Variants in WFIKKN1 observed in about 807,000 individuals in gnomAD.
WFIKKN1 encodes WAP, Kazal, immunoglobulin, Kunitz and NTR domain-containing protein 1.
A neutral mutation model predicts 4.6 loss-of-function variants in WFIKKN1; 6 were observed. That is an observed-to-expected ratio of 1.31 (90% CI 0.72 to 2.59). The LOEUF (loss-of-function observed/expected upper bound fraction) is 2.59, where lower values mean the gene tolerates loss of function less well. WFIKKN1 is among the 30% of genes most tolerant of loss of function. WFIKKN1 has a pLI of 0.00. For missense variants in WFIKKN1, 964 were observed against 818.0 expected (o/e 1.18, Z -2.18); for synonymous variants, 468 against 367.4 (o/e 1.27, Z -3.13).
chr16:633,647 C>G lies in WFIKKN1; in HGVS notation c.1237C>G (p.Arg413Gly), dbSNP rs763100479. 5 of 1,569,112 alleles carry G rather than the reference C, an allele frequency of 3.2e-6. No individual in the cohort carries two copies. The Admixed American group carries it at 9.1e-5, about 29-fold the overall frequency. Residue 413 changes from arginine to glycine, a missense_variant, in exon 2 of 2, where the codon CGC becomes GGC. Coordinates refer to ENST00000319070, the MANE Select transcript of WFIKKN1 (RefSeq NM_053284.3). ...ESCEDACPVP[R>G]TPPCRACRLR... ...CTGCGAGGATGCCTGCCCCGTGCCGCGCACACCGCCCTGCCGCGCCTGCCG... is the reference window on the plus strand; with the variant it reads ...CTGCGAGGATGCCTGCCCCGTGCCGGGCACACCGCCCTGCCGCGCCTGCCG...
intron 1 of WFIKKN1, 96 bp from the exon 2 acceptor site, chr16:632,486 C>G: frequency 7.3e-7 from 1 of 1,371,596 alleles, no homozygotes; most frequent in Non-Finnish European, 9.5e-7. Flanking sequence ...CGGGGGGCTC[C>G]CTGCTACCCC....
At position 631,262 on chromosome 16, in the gene WFIKKN1, C is replaced by T; in HGVS notation, c.9C>T (p.Ala3=). The change falls in exon 1 of 2, where the codon GCC becomes GCT. Residue 3 remains alanine (A), a synonymous_variant. Coordinates refer to ENST00000319070, the MANE Select transcript of WFIKKN1 (RefSeq NM_053284.3). The stretch of plus-strand genomic sequence containing the variant: ...CTGGCTCGGCGGCCCTCATGCCCGC[C>T]CTACGTCCACTCCTGCCGCTCCTGC... MP[A]LRPLLPLLLL... 2 of 1,566,422 alleles carry T rather than the reference C, an allele frequency of 1.3e-6. No homozygotes were observed. Among genetic ancestry groups the T allele is most frequent in the Non-Finnish European group, 8.6e-7 (1 of 1,164,594 alleles).
Position 632,873 on chromosome 16 carries a change from G to A in WFIKKN1, c.463G>A (p.Val155Met), listed in dbSNP as rs774157032. 3 of 1,575,634 alleles carry A rather than the reference G, an allele frequency of 1.9e-6. No homozygotes were observed. The highest frequency in any genetic ancestry group is 1.8e-5 in the Admixed American group (1 of 56,520). The part of the protein sequence containing the change: ...ACLRGLHLHI[V>M]PCKHVLSWPP... Reference sequence around the variant, plus strand: ...CCTGCGGGGCCTGCACCTCCACATCGTGCCCTGCAAGCACGTGCTCAGCTG... The same window carrying A: ...CCTGCGGGGCCTGCACCTCCACATCATGCCCTGCAAGCACGTGCTCAGCTG... The change falls in exon 2 of 2, where the codon GTG (valine) becomes ATG (methionine). Residue 155 changes from valine (V) to methionine (M), a missense_variant. Transcript: ENST00000319070.
Position 632,823 on chromosome 16 carries a change from G to A in WFIKKN1, c.413G>A (p.Arg138His), listed in dbSNP as rs751498446. ...CASDGLTYYN[R>H]CYMDAEACLR... Reference sequence around the variant, plus strand: ...TCGGACGGCCTCACCTACTACAACCGCTGCTATATGGACGCCGAGGCCTGC... The same window carrying A: ...TCGGACGGCCTCACCTACTACAACCACTGCTATATGGACGCCGAGGCCTGC... Residue 138 changes from arginine (R) to histidine (H), a missense_variant, in exon 2 of 2, where the codon CGC (arginine) becomes CAC (histidine). Transcript: ENST00000319070. 65 of 1,580,858 alleles carry A rather than the reference G, an allele frequency of 4.1e-5. No individual in the cohort carries two copies. The highest frequency in any genetic ancestry group is 2.3e-4 in the South Asian group (20 of 87,164).
At position 632,540 on chromosome 16, in the gene WFIKKN1, G is replaced by T. The variant is rs760942697; in HGVS notation, c.172-42G>T. 4 of 1,456,046 alleles carry T rather than the reference G, an allele frequency of 2.7e-6. No homozygotes were observed. In the East Asian group the frequency reaches 1.1e-4, roughly 39 times the overall value. The allele number at this position is 1,456,046 out of a possible 1,614,324, so 90.2% of individuals were successfully genotyped here. A position where few individuals can be genotyped will look rare whatever the true frequency, so the allele number is the denominator to read the frequency against. On this transcript the variant is annotated intron_variant, in intron 1 of 1. Transcript: ENST00000319070. ...AGGGGCCAGGCCAGAGCCCCGGGGC[G>T]GGGGGCATTGGGGCTCCCACCTAAG...
At chr16:631,656 T>TCCTC (rs1238278977) in intron 1 of WFIKKN1, 37 of 398,990 alleles carry the variant, frequency 9.3e-5, no homozygotes, top group African/African-American at 7.6e-4. Flanking sequence ...GGCACCATCA[T>TCCTC]CCTCGGCGAC....
In WFIKKN1 at chr16:633,328, C is replaced by A; in HGVS notation, c.918C>A (p.Cys306Ter). The stretch of plus-strand genomic sequence containing the variant: ...AGTGCCTGCCGGATGTGCAGGCCTG[C>A]ACGGGCCCCACTTCCCCACACCTTG... ...PAECLPDVQA[C>*]TGPTSPHLVL... is the part of the protein sequence containing the mutation. Residue 306 changes from cysteine (C) to a stop codon, truncating the protein, a stop_gained, in exon 2 of 2, where the codon TGC (cysteine) becomes TGA (stop). Coordinates refer to ENST00000319070, the MANE Select transcript of WFIKKN1 (RefSeq NM_053284.3). LOFTEE classifies it low-confidence loss of function (END_TRUNC). The A allele has an allele frequency of 6.3e-7, 1 of 1,586,530 alleles. No homozygotes were observed. Among genetic ancestry groups the A allele is most frequent in the Non-Finnish European group, 8.5e-7 (1 of 1,170,918 alleles).
rs145378817 is a variant in WFIKKN1 at position 632,803 on chromosome 16, C to A, written c.393C>A (p.Asp131Glu). ...EKEPSFTCAS[D>E]GLTYYNRCYM... is the part of the protein sequence containing the mutation. Reference sequence around the variant, plus strand: ...AGCCCAGCTTCACCTGCGCCTCGGACGGCCTCACCTACTACAACCGCTGCT... The same window carrying A: ...AGCCCAGCTTCACCTGCGCCTCGGAAGGCCTCACCTACTACAACCGCTGCT... The change falls in exon 2 of 2, where the codon GAC becomes GAA. Residue 131 changes from aspartate (D) to glutamate (E), a missense_variant. Asp to Glu is a conservative substitution (Grantham distance 45). Transcript: ENST00000319070. 6.3e-7 allele frequency: 1 copy of A among 1,597,136 alleles called. No individual in the cohort carries two copies. The highest frequency in any genetic ancestry group is 1.1e-5 in the South Asian group (1 of 89,028).
At position 633,722 on chromosome 16, in the gene WFIKKN1, G is replaced by C. The variant is rs572309026; in HGVS notation, c.1312G>C (p.Val438Leu). Reference protein sequence around the residue: ...LSLCRSDFAIVGRLTEVLEEP... With the variant: ...LSLCRSDFAILGRLTEVLEEP... Reference sequence around the variant, plus strand: ...CCTGTGCCGCAGCGACTTCGCCATCGTGGGGCGGCTCACGGAGGTGCTGGA... The same window carrying C: ...CCTGTGCCGCAGCGACTTCGCCATCCTGGGGCGGCTCACGGAGGTGCTGGA... Residue 438 changes from valine (V) to leucine (L), a missense_variant, in exon 2 of 2, where the codon GTG (valine) becomes CTG (leucine). Coordinates refer to ENST00000319070, the MANE Select transcript of WFIKKN1 (RefSeq NM_053284.3). 5 of 1,588,006 alleles carry C rather than the reference G, an allele frequency of 3.1e-6. No individual in the cohort carries two copies. The Admixed American group carries it at 7.1e-5, about 22-fold the overall frequency.
chr16:631,628 C>T (rs1596427218), intron 1 of WFIKKN1: 1 of 440,750 alleles, frequency 2.3e-6, no homozygotes, highest in African/African-American at 5.5e-5. Flanking sequence ...TCATGCTCCC[C>T]ATGTGCCTCC....
At position 633,725 on chromosome 16, in the gene WFIKKN1, G is replaced by T. The variant is rs866967066; in HGVS notation, c.1315G>T (p.Gly439Trp). The T allele has an allele frequency of 6.3e-7, 1 of 1,588,374 alleles. No homozygotes were observed. The highest frequency in any genetic ancestry group is 1.1e-5 in the South Asian group (1 of 88,068). ...GTGCCGCAGCGACTTCGCCATCGTG[G>T]GGCGGCTCACGGAGGTGCTGGAGGA... is the stretch of plus-strand genomic sequence containing the variant. The part of the protein sequence containing the change: ...SLCRSDFAIV[G>W]RLTEVLEEPE... Residue 439 changes from glycine to tryptophan, a missense_variant, in exon 2 of 2, where the codon GGG becomes TGG. Transcript: ENST00000319070.
chr16:633,771 T>G lies in WFIKKN1; in HGVS notation c.1361T>G (p.Ile454Ser). 1 of 1,597,828 alleles carries G rather than the reference T, an allele frequency of 6.3e-7. No individual in the cohort carries two copies. Among genetic ancestry groups the G allele is most frequent in the African/African-American group, 1.3e-5 (1 of 74,768 alleles). ...VLEEPEAAGG[I>S]ARVALEDVLK... Reference sequence around the variant, plus strand: ...GAGGAGCCCGAGGCCGCCGGCGGCATCGCCCGCGTGGCGCTCGAGGACGTG... The same window carrying G: ...GAGGAGCCCGAGGCCGCCGGCGGCAGCGCCCGCGTGGCGCTCGAGGACGTG... The change falls in exon 2 of 2, where the codon ATC becomes AGC. Residue 454 changes from isoleucine (I) to serine (S), a missense_variant. Coordinates refer to ENST00000319070, the MANE Select transcript of WFIKKN1 (RefSeq NM_053284.3).
Position 634,029 on chromosome 16 carries a change from G to A in WFIKKN1, c.1619G>A (p.Cys540Tyr). 1.3e-6 allele frequency: 2 copies of A among 1,594,978 alleles called. No individual in the cohort carries two copies. Among genetic ancestry groups the A allele is most frequent in the Non-Finnish European group, 1.7e-6 (2 of 1,172,946 alleles). ...TTGGAGCTGCTGGAGAAGCAGGCCT[G>A]CGAGCTGCTCAACCGCTTCCAGGAC... ...KILELLEKQA[C>Y]ELLNRFQD The change falls in exon 2 of 2, where the codon TGC (cysteine) becomes TAC (tyrosine). Residue 540 changes from cysteine (C) to tyrosine (Y), a missense_variant. Physicochemically the swap from Cys to Tyr is radical, Grantham distance 194 (BLOSUM62 -2). Transcript: ENST00000319070.
rs747781969 is a variant in WFIKKN1, at chr16:631,380, G to C, written c.127G>C (p.Val43Leu). ...CAACCAGCTCAGCCCCAACCTGTGG[G>C]TGGACGCCCAGAGCACCTGTGAGCG... Reference protein sequence around the residue: ...CPNQLSPNLWVDAQSTCEREC... With the variant: ...CPNQLSPNLWLDAQSTCEREC... The change falls in exon 1 of 2, where the codon GTG becomes CTG. Residue 43 changes from valine (V) to leucine (L), a missense_variant. By Grantham distance (32) the Val-to-Leu change is conservative. Transcript: ENST00000319070. 2 of 1,609,240 alleles carry C rather than the reference G, an allele frequency of 1.2e-6. No homozygotes were observed. The highest frequency in any genetic ancestry group is 1.7e-6 in the Non-Finnish European group (2 of 1,179,394).
Position 631,243 on chromosome 16 carries a change from C to G in WFIKKN1, c.-11C>G. The G allele has an allele frequency of 6.5e-7, 1 of 1,547,376 alleles. No individual in the cohort carries two copies. Among genetic ancestry groups the G allele is most frequent in the Non-Finnish European group, 8.7e-7 (1 of 1,154,600 alleles). On this transcript the variant is annotated 5_prime_UTR_variant, in exon 1 of 2. Coordinates refer to ENST00000319070, the MANE Select transcript of WFIKKN1 (RefSeq NM_053284.3). ...GGCCACACCCCCCGGCCCCCTGGCT[C>G]GGCGGCCCTCATGCCCGCCCTACGT...
In WFIKKN1 at chr16:633,222, T is replaced by A. The variant is rs2036976565; in HGVS notation, c.812T>A (p.Leu271Gln). Residue 271 changes from leucine (L) to glutamine (Q), a missense_variant, in exon 2 of 2, where the codon CTG becomes CAG. By Grantham distance (113) the Leu-to-Gln change is moderately radical. Transcript: ENST00000319070. ...TGCACCGCGCGCAACGCTGCTGGGCTGCTGCGGGCTGACTTCCCACTCTCT... is the reference window on the plus strand; with the variant it reads ...TGCACCGCGCGCAACGCTGCTGGGCAGCTGCGGGCTGACTTCCCACTCTCT... ...YTCTARNAAGLLRADFPLSVV... is the reference protein window; with the variant it reads ...YTCTARNAAGQLRADFPLSVV... The A allele has an allele frequency of 6.3e-7, 1 of 1,585,556 alleles. No individual in the cohort carries two copies. Among genetic ancestry groups the A allele is most frequent in the African/African-American group, 1.4e-5 (1 of 73,976 alleles).
chr16:633,133 G>T lies in WFIKKN1; in HGVS notation c.723G>T (p.Val241=), dbSNP rs370513569. The T allele has an allele frequency of 5.6e-6, 9 of 1,606,944 alleles. No homozygotes were observed. The highest frequency in any genetic ancestry group is 7.7e-6 in the Non-Finnish European group (9 of 1,175,834). The change falls in exon 2 of 2, where the codon GTG becomes GTT. Residue 241 remains valine, a synonymous_variant. Coordinates refer to ENST00000319070, the MANE Select transcript of WFIKKN1 (RefSeq NM_053284.3). ...CTGATCAGATGTATGGCAACGTGGT[G>T]GTCACCAGCATCGGGCAGCTGGTGC... is the stretch of plus-strand genomic sequence containing the variant. ...MRPDQMYGNV[V]VTSIGQLVLY...
rs756404188 is a variant in WFIKKN1, at chr16:633,404, C to A, written c.994C>A (p.Arg332Ser). 3 of 1,556,954 alleles carry A rather than the reference C, an allele frequency of 1.9e-6. No individual in the cohort carries two copies. Among genetic ancestry groups the A allele is most frequent in the East Asian group, 2.4e-5 (1 of 42,376 alleles). Residue 332 changes from arginine (R) to serine (S), a missense_variant, in exon 2 of 2, where the codon CGT becomes AGT. Coordinates refer to ENST00000319070, the MANE Select transcript of WFIKKN1 (RefSeq NM_053284.3). ...GGGCGGCTGCATGACCTTCCCGGCC[C>A]GTGGCTGTGATGGGGCGGCCCGCGG... is the stretch of plus-strand genomic sequence containing the variant. ...QRGGCMTFPA[R>S]GCDGAARGFE...
At position 633,523 on chromosome 16, in the gene WFIKKN1, G is replaced by T; in HGVS notation, c.1113G>T (p.Trp371Cys). Residue 371 changes from tryptophan to cysteine, a missense_variant, in exon 2 of 2, where the codon TGG (tryptophan) becomes TGT (cysteine). Transcript: ENST00000319070. The stretch of plus-strand genomic sequence containing the variant: ...CCGTGCAGGGCCCCTGCCGGGGCTG[G>T]GAGCCGCGCTGGGCCTACAGCCCGC... Reference protein sequence around the residue: ...LPAVQGPCRGWEPRWAYSPLL... With the variant: ...LPAVQGPCRGCEPRWAYSPLL... 1 of 1,507,630 alleles carries T rather than the reference G, an allele frequency of 6.6e-7. No homozygotes were observed. The highest frequency in any genetic ancestry group is 8.8e-7 in the Non-Finnish European group (1 of 1,138,094). The allele number at this position is 1,507,630 out of a possible 1,614,324, so 93.4% of individuals were successfully genotyped here.
Sources: gnomAD v4.1 joint callset for allele counts on GRCh38, gnomAD v4.1.1 for gene constraint, MANE v1.5 for transcripts, NCBI Gene and HGNC (gene_info 2026-07-23, HGNC 2026-07-21) for gene names.